The following LOC128092252 variants were observed in gnomAD, a reference collection of about 807,000 sequenced individuals.
At chr15:50,658,297 G>A in the LOC128092252 span, among the ~76,000 whole-genome samples, 261 of 152,072 alleles carry the variant, frequency 1.7e-3, 1 homozygote, top group East Asian at 0.014. Flanking sequence ...GAGCCACCGC[G>A]CCTGGCAGAC....
the LOC128092252 span, among the ~76,000 whole-genome samples, chr15:50,656,989 T>C: frequency 6.6e-6 from 1 of 152,184 alleles, no homozygotes; most frequent in African/African-American, 2.4e-5. Flanking sequence ...AACTGGTCTA[T>C]TTTCTTCCAA....
the LOC128092252 span, among the ~76,000 whole-genome samples, chr15:50,678,520 ATAT>A: frequency 7.7e-4 from 77 of 100,446 alleles, no homozygotes; most frequent in Middle Eastern, 5.3e-3. Flanking sequence ...AAAAAAAAAT[ATAT>A]ATATATATAT....
chr15:50,657,742 T>C, the LOC128092252 span: 33 of 1,585,622 alleles, frequency 2.1e-5, no homozygotes, highest in Admixed American at 4.3e-4. Context: ...GTTTTATTTA[T>C]TTTCCGAAAT....
the LOC128092252 span, chr15:50,662,862 A>C: frequency 1.2e-6 from 1 of 820,936 alleles, no homozygotes; most frequent in Non-Finnish European, 2.0e-6. Context: ...AGTAACAGTA[A>C]GTACAAATAA....
chr15:50,673,114 G>A, the LOC128092252 span, among the ~76,000 whole-genome samples: 2,550 of 151,150 alleles, frequency 0.017, 34 homozygotes, highest in Non-Finnish European at 0.027. Context: ...GTGTAGGCTA[G>A]GTGTACAGTG....
At chr15:50,679,474 TTATATA>T in the LOC128092252 span, among the ~76,000 whole-genome samples, 1 of 121,234 alleles carries the variant, frequency 8.2e-6, no homozygotes, top group East Asian at 2.1e-4. Flanking sequence ...TTTATTTCAT[TTATATA>T]TATATATATT....
the LOC128092252 span, among the ~76,000 whole-genome samples, chr15:50,681,402 T>G: frequency 1.3e-5 from 2 of 152,148 alleles, no homozygotes; most frequent in Non-Finnish European, 1.5e-5. Context: ...TTCCGGGTAC[T>G]GGGTATGATA....
the LOC128092252 span, among the ~76,000 whole-genome samples, chr15:50,660,468 C>G: frequency 6.6e-6 from 1 of 152,112 alleles, no homozygotes; most frequent in African/African-American, 2.4e-5. Flanking sequence ...GCCTGACCAA[C>G]ATGGTGAAAC....
At chr15:50,672,898 C>CAAAAAAA in the LOC128092252 span, among the ~76,000 whole-genome samples, 28 of 26,214 alleles carry the variant, frequency 1.1e-3, 4 homozygotes, top group African/African-American at 3.5e-3. Flanking sequence ...GACTCTGTCT[C>CAAAAAAA]AAAAAAAAAA....
the LOC128092252 span, among the ~76,000 whole-genome samples, chr15:50,669,431 T>C: frequency 1.3e-5 from 2 of 151,646 alleles, no homozygotes; most frequent in South Asian, 2.1e-4. Flanking sequence ...TGAGACTCTG[T>C]CTCAAAAAGA....
chr15:50,679,604 G>A, the LOC128092252 span, among the ~76,000 whole-genome samples: 1 of 141,184 alleles, frequency 7.1e-6, no homozygotes, highest in Non-Finnish European at 1.5e-5. Context: ...GGCGCAATCT[G>A]GAGTCACTGC....
At chr15:50,657,830 C>T in the LOC128092252 span, 8 of 1,606,004 alleles carry the variant, frequency 5.0e-6, no homozygotes, top group Admixed American at 1.2e-4. Flanking sequence ...CTATTGAACA[C>T]AAAAAGGTAA....
chr15:50,651,084 A>G, the LOC128092252 span, among the ~76,000 whole-genome samples: 2 of 151,880 alleles, frequency 1.3e-5, no homozygotes, highest in Non-Finnish European at 2.9e-5. Flanking sequence ...CTACTTGGGA[A>G]GCTGAGATGG....
the LOC128092252 span, among the ~76,000 whole-genome samples, chr15:50,686,148 G>C: frequency 6.6e-6 from 1 of 152,254 alleles, no homozygotes; most frequent in East Asian, 1.9e-4. Flanking sequence ...AGCAACTGGC[G>C]CCAGGAGGAC....
At chr15:50,678,515 AAAATAT>A in the LOC128092252 span, among the ~76,000 whole-genome samples, 412 of 82,772 alleles carry the variant, frequency 5.0e-3, 2 homozygotes, top group African/African-American at 0.016. Flanking sequence ...TTAAAAAAAA[AAAATAT>A]ATATATATAT....
the LOC128092252 span, among the ~76,000 whole-genome samples, chr15:50,654,372 G>A: frequency 3.3e-5 from 5 of 150,902 alleles, no homozygotes; most frequent in African/African-American, 7.3e-5. Flanking sequence ...GCTTGAACCC[G>A]GGAGGCAGAG....
chr15:50,686,386 G>A, the LOC128092252 span: 84 of 1,379,924 alleles, frequency 6.1e-5, no homozygotes, highest in East Asian at 1.6e-3. Context: ...CCCGTCCCGA[G>A]AGGACAAATC....
chr15:50,668,334 G>A, the LOC128092252 span, among the ~76,000 whole-genome samples: 2 of 152,040 alleles, frequency 1.3e-5, no homozygotes, highest in East Asian at 1.9e-4. Flanking sequence ...TTAAAACGTC[G>A]CTGATCCTTT....
chr15:50,681,079 C>T, the LOC128092252 span, among the ~76,000 whole-genome samples: 11,818 of 152,016 alleles, frequency 0.078, 569 homozygotes, highest in South Asian at 0.12. Flanking sequence ...GGTGAAACTC[C>T]GTCTCTACCA....
Sources: gnomAD v4.1 joint callset for allele counts (sites outside exome capture counted in the v4.1 genomes callset) on GRCh38, gnomAD v4.1.1 for gene constraint, MANE v1.5 for transcripts.